The following NPFFR2 variants were observed in gnomAD, a reference collection of about 807,000 sequenced individuals.
NPFFR2 encodes G-protein coupled receptor 74.
A neutral mutation model predicts 13.1 loss-of-function variants in NPFFR2; 15 were observed. The ratio of observed to expected loss-of-function variants is 1.15; its 90% CI spans 0.77 to 1.76. The LOEUF is 1.76. NPFFR2 is among the 40% of genes most tolerant of loss of function. The pLI is 0.00. For missense variants in NPFFR2, 572 were observed against 503.5 expected (o/e 1.14, Z -1.30); for synonymous variants, 190 against 175.7 (o/e 1.08, Z -0.65).
intron 1 of NPFFR2, among the ~76,000 whole-genome samples, chr4:72,079,845 G>A (rs1005108730): frequency 1.3e-5 from 2 of 152,190 alleles, no homozygotes; most frequent in African/African-American, 2.4e-5. Flanking sequence ...GATTGATGCA[G>A]TGAGAGCCAA....
At chr4:72,056,496 C>T (rs1421871704) in intron 1 of NPFFR2, among the ~76,000 whole-genome samples, 2 of 151,986 alleles carry the variant, frequency 1.3e-5, no homozygotes, top group Non-Finnish European at 2.9e-5. Context: ...ATGTAGTTTT[C>T]ATGCCTGCTA....
chr4:72,060,933 C>A (rs1719902375), intron 1 of NPFFR2, among the ~76,000 whole-genome samples: 1 of 152,140 alleles, frequency 6.6e-6, no homozygotes, highest in Non-Finnish European at 1.5e-5. Flanking sequence ...TTTTTCACTG[C>A]AAGCCATTTA....
chr4:72,044,364 G>C (rs1719318954), intron 1 of NPFFR2, among the ~76,000 whole-genome samples: 1 of 152,118 alleles, frequency 6.6e-6, no homozygotes, highest in African/African-American at 2.4e-5. Flanking sequence ...TCCATCTTGA[G>C]TTACTTTTTG....
intron 1 of NPFFR2, among the ~76,000 whole-genome samples, chr4:72,099,003 C>T (rs1417151135): frequency 6.6e-6 from 1 of 152,126 alleles, no homozygotes; most frequent in African/African-American, 2.4e-5. Context: ...TACAGTATTG[C>T]CTCTAGCTCA....
intron 2 of NPFFR2, among the ~76,000 whole-genome samples, chr4:72,130,266 A>G (rs1722195410): frequency 6.6e-6 from 1 of 152,110 alleles, no homozygotes; most frequent in Non-Finnish European, 1.5e-5. Context: ...AAATATCACT[A>G]TGAACTGTAA....
chr4:72,033,513 T>C (rs961763753), intron 1 of NPFFR2, among the ~76,000 whole-genome samples: 2 of 152,192 alleles, frequency 1.3e-5, no homozygotes, highest in African/African-American at 4.8e-5. Flanking sequence ...TCCTATTCTT[T>C]TTCTCAATAT....
intron 2 of NPFFR2, among the ~76,000 whole-genome samples, chr4:72,131,667 A>T (rs1560421037): frequency 6.6e-6 from 1 of 152,208 alleles, no homozygotes; most frequent in Non-Finnish European, 1.5e-5. Context: ...TGTAATTCAG[A>T]CTACTGGAAA....
chr4:72,116,212 T>G (rs190828757), intron 1 of NPFFR2, among the ~76,000 whole-genome samples: 66 of 152,290 alleles, frequency 4.3e-4, no homozygotes, highest in African/African-American at 1.4e-3. Flanking sequence ...TGCTTGTGTA[T>G]ATATTTTTAT....
chr4:72,120,264 A>G (rs929101680), intron 1 of NPFFR2, among the ~76,000 whole-genome samples: 4 of 152,208 alleles, frequency 2.6e-5, no homozygotes, highest in African/African-American at 9.6e-5. Flanking sequence ...CAGCCCAAAC[A>G]GGGGCTTATA....
At chr4:72,090,531 T>A (rs139134166) in intron 1 of NPFFR2, among the ~76,000 whole-genome samples, 2 of 152,248 alleles carry the variant, frequency 1.3e-5, no homozygotes, top group Non-Finnish European at 2.9e-5. Flanking sequence ...CTTGTAGAGA[T>A]CTCTCACCCC....
chr4:72,101,627 T>C (rs1490121212), intron 1 of NPFFR2, among the ~76,000 whole-genome samples: 1 of 151,910 alleles, frequency 6.6e-6, no homozygotes, highest in East Asian at 1.9e-4. Flanking sequence ...CTAGATGAGA[T>C]AAAATTTAAG....
chr4:72,091,575 T>TC (rs1720918926), intron 1 of NPFFR2, among the ~76,000 whole-genome samples: 1 of 152,148 alleles, frequency 6.6e-6, no homozygotes, highest in African/African-American at 2.4e-5. Context: ...GTTGTACATA[T>TC]CCAAGAATTT....
intron 1 of NPFFR2, among the ~76,000 whole-genome samples, chr4:72,054,267 G>A (rs1202688720): frequency 6.6e-6 from 1 of 151,902 alleles, no homozygotes; most frequent in Non-Finnish European, 1.5e-5. Flanking sequence ...AGACAGTGTT[G>A]TTGGTGTAAG....
chr4:72,147,209 C>A lies in NPFFR2; in HGVS notation c.660C>A (p.Thr220=), dbSNP rs1278452454. The A allele has an allele frequency of 1.2e-6, 2 of 1,614,154 alleles. No homozygotes were observed. Among genetic ancestry groups the A allele is most frequent in the Non-Finnish European group, 1.7e-6 (2 of 1,180,006 alleles). Reference sequence around the variant, plus strand: ...ATCAGGAAATGAGGAAGATCTACACCACTGTGCTGTTTGCCAACATCTACC... The same window carrying A: ...ATCAGGAAATGAGGAAGATCTACACAACTGTGCTGTTTGCCAACATCTACC... The part of the protein sequence containing the change: ...WPNQEMRKIY[T]TVLFANIYLA... The change falls in exon 4 of 4, where the codon ACC becomes ACA. Residue 220 remains threonine (T), a synonymous_variant. Coordinates refer to ENST00000308744, the MANE Select transcript of NPFFR2 (RefSeq NM_004885.3).
intron 3 of NPFFR2, among the ~76,000 whole-genome samples, 176 bp downstream of exon 3, chr4:72,138,315 G>A (rs1245925977): frequency 6.6e-6 from 1 of 152,120 alleles, no homozygotes; most frequent in Non-Finnish European, 1.5e-5. Context: ...ACAACGTGCA[G>A]GTTTCTTCCA....
chr4:72,122,596 A>G lies in NPFFR2; in HGVS notation c.-7-5989A>G, dbSNP rs1022743286. ...TCAAATTAGAACTCAGGATTAAGAA[A>G]CTCACTCAAAACTGCACAACTACAT... On this transcript the variant is annotated intron_variant, in intron 1 of 3. Transcript: ENST00000308744. Among the ~76,000 whole-genome samples the G allele has an allele frequency of 5.9e-5, 9 of 152,316 alleles. No homozygotes were observed. The South Asian group carries it at 6.2e-4, about 11-fold the overall frequency.
At chr4:72,109,104 CTTCTT>C (rs1324025668) in intron 1 of NPFFR2, among the ~76,000 whole-genome samples, 4 of 152,012 alleles carry the variant, frequency 2.6e-5, no homozygotes, top group African/African-American at 7.2e-5. Flanking sequence ...CAATGTGTCT[CTTCTT>C]TTCTTTAGAT....
At chr4:72,130,162 A>C (rs1722191066) in intron 2 of NPFFR2, among the ~76,000 whole-genome samples, 1 of 152,022 alleles carries the variant, frequency 6.6e-6, no homozygotes, top group African/African-American at 2.4e-5. Context: ...AGACACAGTA[A>C]CAATCTGATC....
At chr4:72,113,522 A>T (rs1030222398) in intron 1 of NPFFR2, among the ~76,000 whole-genome samples, 3 of 152,036 alleles carry the variant, frequency 2.0e-5, no homozygotes, top group African/African-American at 7.3e-5. Flanking sequence ...TCAACTTGTA[A>T]TTAGATCTTC....
Sources: gnomAD v4.1 joint callset for allele counts (sites outside exome capture counted in the v4.1 genomes callset) on GRCh38, gnomAD v4.1.1 for gene constraint, MANE v1.5 for transcripts, NCBI Gene and HGNC (gene_info 2026-07-23, HGNC 2026-07-21) for gene names.